Variants in OTUD7B observed in about 807,000 individuals in gnomAD.
The protein encoded by OTUD7B is OTU deubiquitinase 7B.
OTUD7B carries 34 observed loss-of-function variants against 82.2 expected under a neutral mutation model. That is an observed-to-expected ratio of 0.41 (90% CI 0.31 to 0.55). The LOEUF is 0.55. Among genes scored for constraint, OTUD7B ranks in the 20% least tolerant of loss-of-function variants. The pLI, the probability that OTUD7B is intolerant of heterozygous loss-of-function variation, is 0.20. For missense variants in OTUD7B, 944 were observed against 1,062.1 expected (o/e 0.89, Z 1.55); for synonymous variants, 398 against 402.7 (o/e 0.99, Z 0.14).
intron 4 of OTUD7B, among the ~76,000 whole-genome samples, chr1:149,966,892 A>G (rs781898492): frequency 2.2e-4 from 33 of 152,232 alleles, no homozygotes; most frequent in Non-Finnish European, 4.4e-4. Context: ...AATTAATTTT[A>G]ACAATAATTT....
chr1:150,006,867 G>C (rs1553786245), intron 1 of OTUD7B, among the ~76,000 whole-genome samples: 1 of 152,186 alleles, frequency 6.6e-6, no homozygotes, highest in Non-Finnish European at 1.5e-5. Context: ...GGTTAGGATG[G>C]TACAGAAAAT....
chr1:150,028,284 T>TA, the OTUD7B span, among the ~76,000 whole-genome samples: 1 of 152,202 alleles, frequency 6.6e-6, no homozygotes, highest in South Asian at 2.1e-4. Context: ...TTGGATTCAA[T>TA]ACAATCAAGA....
chr1:150,040,479 T>G, the OTUD7B span, among the ~76,000 whole-genome samples: 1 of 152,182 alleles, frequency 6.6e-6, no homozygotes, highest in African/African-American at 2.4e-5. Flanking sequence ...AATTGCTAAT[T>G]TTTGATTTAA....
the OTUD7B span, among the ~76,000 whole-genome samples, chr1:150,035,340 T>G: frequency 6.6e-6 from 1 of 152,018 alleles, no homozygotes; most frequent in Non-Finnish European, 1.5e-5. Flanking sequence ...AAACGAGTGG[T>G]CATAACAGCA....
chr1:150,005,105 C>T (rs1443635253), intron 1 of OTUD7B, among the ~76,000 whole-genome samples: 1 of 152,096 alleles, frequency 6.6e-6, no homozygotes, highest in Non-Finnish European at 1.5e-5. Flanking sequence ...CCCCAAATAC[C>T]TACGGTATGA....
intron 7 of OTUD7B, among the ~76,000 whole-genome samples, chr1:149,957,289 G>T (rs587742209): frequency 6.6e-5 from 10 of 151,828 alleles, no homozygotes; most frequent in African/African-American, 2.2e-4. Flanking sequence ...GTTGGAGTTT[G>T]CTGGAGGTCC....
chr1:150,028,511 T>C, the OTUD7B span, among the ~76,000 whole-genome samples: 1 of 152,216 alleles, frequency 6.6e-6, no homozygotes, highest in Non-Finnish European at 1.5e-5. Flanking sequence ...CACATCAATA[T>C]TGTTGTGCAA....
intron 1 of OTUD7B, among the ~76,000 whole-genome samples, chr1:149,995,543 C>T (rs1365273731): frequency 1.3e-5 from 2 of 151,822 alleles, no homozygotes; most frequent in African/African-American, 2.4e-5. Context: ...CGTGCCACTG[C>T]ACTCCAGCCT....
At chr1:150,013,776 G>C (rs1357995191), upstream of OTUD7B, among the ~76,000 whole-genome samples, 2 of 151,008 alleles carry the variant, frequency 1.3e-5, no homozygotes, top group Non-Finnish European at 3.0e-5. Context: ...CAAAAAATTA[G>C]CCAGGCGAGG....
At chr1:150,052,349 C>A in the OTUD7B span, among the ~76,000 whole-genome samples, 2 of 152,136 alleles carry the variant, frequency 1.3e-5, no homozygotes, top group Non-Finnish European at 2.9e-5. Flanking sequence ...GTACAAAAAA[C>A]ACTAGCACTC....
chr1:150,009,106 T>A (rs782776425), intron 1 of OTUD7B, among the ~76,000 whole-genome samples: 13 of 152,194 alleles, frequency 8.5e-5, no homozygotes, highest in Non-Finnish European at 1.3e-4. Flanking sequence ...GTATAATTAA[T>A]TCTTCATTGT....
At chr1:149,962,803 C>CA (rs587726775) in intron 6 of OTUD7B, 16 of 152,184 alleles carry the variant, frequency 1.1e-4, no homozygotes, top group African/African-American at 3.9e-4. Flanking sequence ...CTGAACTCAA[C>CA]AGTGAAGAGG....
intron 1 of OTUD7B, among the ~76,000 whole-genome samples, chr1:149,997,090 C>T (rs781917562): frequency 2.6e-5 from 4 of 152,024 alleles, no homozygotes; most frequent in South Asian, 2.1e-4. Context: ...TCTTGGCAGA[C>T]GAAATTAAAT....
chr1:150,038,295 T>C, the OTUD7B span, among the ~76,000 whole-genome samples: 1 of 152,184 alleles, frequency 6.6e-6, no homozygotes, highest in Non-Finnish European at 1.5e-5. Flanking sequence ...TGCTTTCTAT[T>C]GGATTGACTA....
chr1:150,017,714 C>T, the OTUD7B span, among the ~76,000 whole-genome samples: 13 of 152,342 alleles, frequency 8.5e-5, no homozygotes, highest in African/African-American at 3.1e-4. Context: ...ACAGAGCATT[C>T]AGGGGATAGA....
chr1:149,952,393 G>A (rs1648329986), intron 7 of OTUD7B, among the ~76,000 whole-genome samples: 1 of 152,082 alleles, frequency 6.6e-6, no homozygotes, highest in Non-Finnish European at 1.5e-5. Flanking sequence ...GCTTCTTTAT[G>A]GCTGCATAGT....
At chr1:149,998,961 T>C (rs587712175) in intron 1 of OTUD7B, among the ~76,000 whole-genome samples, 13 of 152,326 alleles carry the variant, frequency 8.5e-5, no homozygotes, top group African/African-American at 3.1e-4. Flanking sequence ...TTTATATGCA[T>C]TTATCTGTAT....
chr1:150,062,571 A>G, the OTUD7B span, among the ~76,000 whole-genome samples: 1 of 152,224 alleles, frequency 6.6e-6, no homozygotes, highest in South Asian at 2.1e-4. Context: ...TCTATTTTAT[A>G]TATCAGAGCA....
At chr1:150,049,629 CTT>C in the OTUD7B span, among the ~76,000 whole-genome samples, 3,189 of 43,294 alleles carry the variant, frequency 0.074, 185 homozygotes, top group African/African-American at 0.23. Flanking sequence ...CTCTCTCTCT[CTT>C]TCTTTTTTTT....
Sources: allele counts gnomAD v4.1 joint callset (sites outside exome capture counted in the v4.1 genomes callset), GRCh38; gene constraint gnomAD v4.1.1; transcripts MANE v1.5; gene names NCBI Gene and HGNC (gene_info 2026-07-23, HGNC 2026-07-21).